NECTIN3: variants seen among roughly 807,000 people sequenced by gnomAD.
The protein encoded by NECTIN3 is nectin-3.
In NECTIN3, 8 loss-of-function variants were observed where a neutral mutation model predicts 49.4. That is an observed-to-expected ratio of 0.16 (90% CI 0.10 to 0.29). The LOEUF is 0.29. Ranked by LOEUF, NECTIN3 falls within the 10% of genes least tolerant of loss-of-function variation. NECTIN3 has a pLI of 1.00. For synonymous variants in NECTIN3, 277 were observed against 241.1 expected (o/e 1.15, Z -1.38); for missense variants, 581 against 654.6 (o/e 0.89, Z 1.23).
intron 1 of NECTIN3, among the ~76,000 whole-genome samples, chr3:111,098,056 A>AT (rs2032691235): frequency 6.6e-6 from 1 of 152,154 alleles, no homozygotes; most frequent in Non-Finnish European, 1.5e-5. Context: ...CCTTTTCTAG[A>AT]TGAGGAAGCT....
intron 7 of NECTIN3, among the ~76,000 whole-genome samples, chr3:111,183,101 C>T (rs952191823): frequency 6.6e-6 from 1 of 151,538 alleles, no homozygotes; most frequent in Non-Finnish European, 1.5e-5. Flanking sequence ...TCCTTCTTTT[C>T]TCATCATCTT....
intron 7 of NECTIN3, among the ~76,000 whole-genome samples, chr3:111,156,629 A>T (rs1458954364): frequency 6.6e-6 from 1 of 152,182 alleles, no homozygotes; most frequent in Non-Finnish European, 1.5e-5. Context: ...AAGCCACCAA[A>T]TTATTCCATT....
chr3:111,157,254 T>C (rs1159840181), intron 7 of NECTIN3, among the ~76,000 whole-genome samples: 1 of 152,160 alleles, frequency 6.6e-6, no homozygotes, highest in East Asian at 1.9e-4. Flanking sequence ...TTTACTAATG[T>C]GTCACAACTT....
rs1162458580 is a variant in NECTIN3 at position 111,072,702 on chromosome 3, C to T, written c.160+525C>T. The T allele has an allele frequency of 5.2e-6, 5 of 953,822 alleles. No individual in the cohort carries two copies. In the South Asian group the frequency reaches 6.5e-5, roughly 12 times the overall value. The allele number at this position is 953,822 out of a possible 1,614,324, so 59.1% of individuals were successfully genotyped here. A position where few individuals can be genotyped will look rare whatever the true frequency, so the allele number is the denominator to read the frequency against. Reference sequence around the variant, plus strand: ...AGAATCCCCTACAGCTAGTTTTCTTCTGTCTTGTGCCCACTCCCCCGGCTC... The same window carrying T: ...AGAATCCCCTACAGCTAGTTTTCTTTTGTCTTGTGCCCACTCCCCCGGCTC... On this transcript the variant is annotated intron_variant, in intron 1 of 5. Transcript: ENST00000485303.
intron 7 of NECTIN3, among the ~76,000 whole-genome samples, chr3:111,159,508 T>A (rs2035166424): frequency 6.6e-6 from 1 of 152,192 alleles, no homozygotes; most frequent in South Asian, 2.1e-4. Flanking sequence ...ATTTTATTTT[T>A]TTAAGTGAGG....
At chr3:111,159,001 A>G (rs1053922232) in intron 7 of NECTIN3, among the ~76,000 whole-genome samples, 3 of 152,222 alleles carry the variant, frequency 2.0e-5, no homozygotes, top group Non-Finnish European at 4.4e-5. Flanking sequence ...ACTAGTCAAC[A>G]GGTAAATACA....
chr3:111,089,872 T>C (rs1008316912), intron 1 of NECTIN3, among the ~76,000 whole-genome samples: 3 of 152,186 alleles, frequency 2.0e-5, no homozygotes, highest in Admixed American at 6.5e-5. Context: ...TATGCCATGA[T>C]GTAGATTTGT....
In NECTIN3 at chr3:111,179,062, G is replaced by T. The variant is rs564276012; in HGVS notation, c.1222-13289G>T. 1.4e-4 allele frequency among the ~76,000 whole-genome samples: 21 copies of T among 152,334 alleles called. No homozygotes were observed. In the South Asian group the frequency reaches 3.9e-3, roughly 29 times the overall value. ...ATGGATAAGGCAGGTAGTAAGGGAA[G>T]AATCTTTTGTCAGTCCTTATAAGTT... On this transcript the variant is annotated intron_variant, in intron 7 of 8. Transcript: ENST00000493615.
intron 1 of NECTIN3, among the ~76,000 whole-genome samples, chr3:111,099,357 G>A (rs2032770097): frequency 6.6e-6 from 1 of 152,132 alleles, no homozygotes; most frequent in South Asian, 2.1e-4. Flanking sequence ...TACAAGTATT[G>A]TGGTAAAATT....
At chr3:111,185,278 G>GA (rs1310934793) in intron 7 of NECTIN3, among the ~76,000 whole-genome samples, 1 of 151,964 alleles carries the variant, frequency 6.6e-6, no homozygotes, top group African/African-American at 2.4e-5. Context: ...TACGTCACCA[G>GA]AAAAAAACAG....
At chr3:111,076,453 T>C (rs1334476917) in intron 1 of NECTIN3, among the ~76,000 whole-genome samples, 1 of 152,102 alleles carries the variant, frequency 6.6e-6, no homozygotes, top group African/African-American at 2.4e-5. Context: ...AAAAATCAAA[T>C]AACAGTTAAG....
At chr3:111,171,631 C>T (rs1214060614) in intron 7 of NECTIN3, among the ~76,000 whole-genome samples, 2 of 152,034 alleles carry the variant, frequency 1.3e-5, no homozygotes, top group Non-Finnish European at 2.9e-5. Flanking sequence ...AAGCTCCATA[C>T]ACCAGTGCAT....
intron 5 of NECTIN3, among the ~76,000 whole-genome samples, chr3:111,129,159 C>A (rs1295940671): frequency 6.6e-6 from 1 of 152,054 alleles, no homozygotes; most frequent in African/African-American, 2.4e-5. Context: ...CAGGTATCAT[C>A]AGAGTTCTTT....
chr3:111,192,344 C>T (rs1286192744), upstream of NECTIN3: 110 of 1,535,274 alleles, frequency 7.2e-5, no homozygotes, highest in South Asian at 1.2e-4. Flanking sequence ...TTTGTGTTTT[C>T]TTCCAGCCTG....
At chr3:111,146,625 A>C (rs1355840922) in intron 6 of NECTIN3, among the ~76,000 whole-genome samples, 1 of 152,086 alleles carries the variant, frequency 6.6e-6, no homozygotes, top group African/African-American at 2.4e-5. Context: ...GACCACAGAG[A>C]ATTTATTACT....
At chr3:111,079,555 A>G (rs2107359373) in intron 1 of NECTIN3, among the ~76,000 whole-genome samples, 1 of 151,998 alleles carries the variant, frequency 6.6e-6, no homozygotes, top group East Asian at 2.0e-4. Flanking sequence ...AATGCAAAAT[A>G]AAAAAGTCCT....
intron 4 of NECTIN3, among the ~76,000 whole-genome samples, chr3:111,124,921 G>A (rs961325712): frequency 6.6e-6 from 1 of 151,652 alleles, no homozygotes; most frequent in Non-Finnish European, 1.5e-5. Context: ...CCTAGTAATT[G>A]AATGAAGGAA....
At chr3:111,130,817 C>T (rs1429897763) in intron 5 of NECTIN3, among the ~76,000 whole-genome samples, 1 of 152,050 alleles carries the variant, frequency 6.6e-6, no homozygotes, top group Non-Finnish European at 1.5e-5. Context: ...TTGACTAGTA[C>T]TTACTGACTA....
At chr3:111,120,984 CAG>C (rs932100316) in intron 3 of NECTIN3, among the ~76,000 whole-genome samples, 9 of 150,010 alleles carry the variant, frequency 6.0e-5, no homozygotes, top group Non-Finnish European at 8.9e-5. Flanking sequence ...ACACCTAAAA[CAG>C]TGTATTATTT....
Sources: gnomAD v4.1 joint callset for allele counts (sites outside exome capture counted in the v4.1 genomes callset) on GRCh38, gnomAD v4.1.1 for gene constraint, MANE v1.5 for transcripts, NCBI Gene and HGNC (gene_info 2026-07-23, HGNC 2026-07-21) for gene names.